CCDC85C: variants seen among roughly 807,000 people sequenced by gnomAD.
The protein encoded by CCDC85C is coiled-coil domain containing 85C, also known as coiled-coil domain-containing protein 85C.
Under a neutral mutation model 38.3 loss-of-function variants are expected in CCDC85C, and 18 were observed. The observed-to-expected ratio is 0.47, with a 90% CI of 0.33 to 0.70. The LOEUF (loss-of-function observed/expected upper bound fraction) is 0.70. CCDC85C is among the 30% of genes least tolerant of loss of function. The pLI is 0.03. For synonymous variants in CCDC85C, 264 were observed against 293.8 expected, an observed-to-expected ratio of 0.90 and a Z score of 1.04; for missense variants, 566 against 621.2, an observed-to-expected ratio of 0.91 and a Z score of 0.94.
chr14:99,570,600 T>G lies in CCDC85C; in HGVS notation c.793+32567A>C, dbSNP rs570689877. 1.3e-4 allele frequency among the ~76,000 whole-genome samples: 20 copies of G among 152,014 alleles called. No individual in the cohort carries two copies. In the South Asian group the frequency reaches 4.2e-3, roughly 32 times the overall value. On this transcript the variant is annotated intron_variant, in intron 1 of 5. Transcript: ENST00000380243. ...TCATGGGAGGGTGTGGGGCCAGGGATATAACCTTCCAGGCCAGGCAGGAGA... is the reference window on the plus strand; with the variant it reads ...TCATGGGAGGGTGTGGGGCCAGGGAGATAACCTTCCAGGCCAGGCAGGAGA...
intron 1 of CCDC85C, among the ~76,000 whole-genome samples, chr14:99,593,134 G>GT (rs1277473919): frequency 6.6e-6 from 1 of 152,254 alleles, no homozygotes; most frequent in Non-Finnish European, 1.5e-5. Flanking sequence ...GCCGTGCGCG[G>GT]TGACAGGCGG....
chr14:99,519,896 G>T (rs1156398599), intron 3 of CCDC85C, among the ~76,000 whole-genome samples: 1 of 152,196 alleles, frequency 6.6e-6, no homozygotes, highest in Non-Finnish European at 1.5e-5. Context: ...GTTGCTGGTG[G>T]CTGGGAGGAA....
At chr14:99,602,634 T>G (rs1009524714) in intron 1 of CCDC85C, among the ~76,000 whole-genome samples, 2 of 152,118 alleles carry the variant, frequency 1.3e-5, no homozygotes, top group East Asian at 3.9e-4. Flanking sequence ...CCCAGGCCTC[T>G]CCCCAACTGC....
chr14:99,578,719 G>A (rs990792920), intron 1 of CCDC85C, among the ~76,000 whole-genome samples: 2 of 152,242 alleles, frequency 1.3e-5, no homozygotes, highest in Non-Finnish European at 2.9e-5. Context: ...GCGTGATGGT[G>A]AGTTCATCAC....
chr14:99,502,598 G>A lies in CCDC85C; in HGVS notation c.*12648C>T. The stretch of plus-strand genomic sequence containing the variant: ...GTGTTGCACACAACGAAGATGGGGT[G>A]AGTTGTAAATGTGATTCATGCTTAG... On this transcript the variant is annotated 3_prime_UTR_variant, in exon 6 of 6. Coordinates refer to ENST00000380243, the MANE Select transcript of CCDC85C (RefSeq NM_001144995.2). The A allele has an allele frequency of 8.3e-7, 1 of 1,208,754 alleles. No individual in the cohort carries two copies. Among genetic ancestry groups the A allele is most frequent in the Non-Finnish European group, 1.2e-6 (1 of 859,836 alleles). The allele number at this position is 1,208,754 out of a possible 1,614,324, so 74.9% of individuals were successfully genotyped here.
rs372216197 is a variant in CCDC85C at position 99,502,779 on chromosome 14, C to A, written c.*12467G>T. The A allele has an allele frequency of 6.2e-7, 1 of 1,613,194 alleles. No individual in the cohort carries two copies. The highest frequency in any genetic ancestry group is 1.3e-5 in the African/African-American group (1 of 74,806). ...GGAAAACAACAGATGCCTCATCACA[C>A]CCCCCATCAGCTGCAACAGCCCCCA... On this transcript the variant is annotated 3_prime_UTR_variant, in exon 6 of 6. Coordinates refer to ENST00000380243, the MANE Select transcript of CCDC85C (RefSeq NM_001144995.2).
intron 5 of CCDC85C, among the ~76,000 whole-genome samples, 193 bp downstream of exon 5, chr14:99,515,995 A>AG (rs1300709555): frequency 6.6e-6 from 1 of 152,092 alleles, no homozygotes. Context: ...TGGGAAGGGC[A>AG]GGGGGCAGCG....
At position 99,603,362 on chromosome 14, in the gene CCDC85C, G is replaced by T; in HGVS notation, c.598C>A (p.Arg200Ser). 1 of 1,271,078 alleles carries T rather than the reference G, an allele frequency of 7.9e-7. No individual in the cohort carries two copies. The highest frequency in any genetic ancestry group is 9.9e-7 in the Non-Finnish European group (1 of 1,010,908). The allele number at this position is 1,271,078 out of a possible 1,614,324, so 78.7% of individuals were successfully genotyped here. Residue 200 changes from arginine (R) to serine (S), a missense_variant, in exon 1 of 6, where the codon CGC becomes AGC. Arg to Ser is a moderately radical substitution (Grantham distance 110). Transcript: ENST00000380243. This position sits in a 1 kb window ranked among gnomAD's most constrained non-coding sequence, Gnocchi z 7.5. ...LSGGAPGAGARDVGDGSSTSS... is the reference protein window; with the variant it reads ...LSGGAPGAGASDVGDGSSTSS... ...GTACTGCTGCCGTCGCCCACGTCGC[G>T]GGCCCCCGCGCCGGGCGCGCCACCC...
At chr14:99,559,713 T>C (rs1462405309) in intron 1 of CCDC85C, among the ~76,000 whole-genome samples, 2 of 152,144 alleles carry the variant, frequency 1.3e-5, no homozygotes, top group Admixed American at 6.5e-5. Context: ...GTTAAGGAAA[T>C]TCTAGTTAAC....
Position 99,514,330 on chromosome 14 carries a change from C to T in CCDC85C, c.*916G>A, listed in dbSNP as rs1217920048. 1 of 152,454 alleles carries T rather than the reference C, an allele frequency of 6.6e-6. No homozygotes were observed. The highest frequency in any genetic ancestry group is 6.5e-5 in the Admixed American group (1 of 15,288). The allele number at this position is 152,454 out of a possible 1,614,324, so 9.4% of individuals were successfully genotyped here. ...CATCTGCAGCCTACACAGCTCTGTC[C>T]ACAGGGACCCAAGATGCAGCCAGGC... On this transcript the variant is annotated 3_prime_UTR_variant, in exon 6 of 6. Transcript: ENST00000380243.
rs1019889154 is a variant in CCDC85C, at chr14:99,576,811, A to G, written c.793+26356T>C. 6.6e-6 allele frequency among the ~76,000 whole-genome samples: 1 copy of G among 152,160 alleles called. No individual in the cohort carries two copies. The highest frequency in any genetic ancestry group is 2.4e-5 in the African/African-American group (1 of 41,442). On this transcript the variant is annotated intron_variant, in intron 1 of 5. Transcript: ENST00000380243. The surrounding 1 kb of genome is among the most constrained non-coding windows in gnomAD (Gnocchi z 4.8). ...GGTGGAACGGACTATCAGTCACTCTACAGGAAAGCAGAGGCTCAGAGAGGG... is the reference window on the plus strand; with the variant it reads ...GGTGGAACGGACTATCAGTCACTCTGCAGGAAAGCAGAGGCTCAGAGAGGG...
Position 99,520,071 on chromosome 14 carries a change from G to A in CCDC85C, c.975+2062C>T, listed in dbSNP as rs1874877555. Among the ~76,000 whole-genome samples, 1 of 152,202 alleles carries A rather than the reference G, an allele frequency of 6.6e-6. No individual in the cohort carries two copies. The highest frequency in any genetic ancestry group is 2.1e-4 in the South Asian group (1 of 4,838). ...CACCTGCCCTGACAGCCAGTGGATGGAGGGTATGGGCAGCAGTGGGCAGGG... is the reference window on the plus strand; with the variant it reads ...CACCTGCCCTGACAGCCAGTGGATGAAGGGTATGGGCAGCAGTGGGCAGGG... On this transcript the variant is annotated intron_variant, in intron 3 of 5. Transcript: ENST00000380243. The surrounding 1 kb of genome is among the most constrained non-coding windows in gnomAD (Gnocchi z 4.1).
rs531283524 is a variant in CCDC85C at position 99,526,518 on chromosome 14, C to T, written c.868-4278G>A. On this transcript the variant is annotated intron_variant, in intron 2 of 5. Coordinates refer to ENST00000380243, the MANE Select transcript of CCDC85C (RefSeq NM_001144995.2). ...GCCATCATCCCAGGGGCTACGGAGG[C>T]GAGAGGTGAGACCCAGGGAGCAAGG... Among the ~76,000 whole-genome samples, 11 of 152,306 alleles carry T rather than the reference C, an allele frequency of 7.2e-5. No individual in the cohort carries two copies. The East Asian group carries it at 1.5e-3, about 21-fold the overall frequency.
At chr14:99,602,196 G>A (rs1359555181) in intron 1 of CCDC85C, among the ~76,000 whole-genome samples, 1 of 152,240 alleles carries the variant, frequency 6.6e-6, no homozygotes, top group Non-Finnish European at 1.5e-5. Context: ...CACCAGCGAG[G>A]AGGAGAAAGC....
chr14:99,537,585 C>T (rs562397394), intron 1 of CCDC85C, among the ~76,000 whole-genome samples: 1 of 152,100 alleles, frequency 6.6e-6, no homozygotes, highest in African/African-American at 2.4e-5. Flanking sequence ...GAGCGCAAAC[C>T]AGCCTCCCCT....
chr14:99,594,197 TGGGAGAGAGACAGGACAGCAAGCAGA>T (rs1215945815), intron 1 of CCDC85C, among the ~76,000 whole-genome samples: 1 of 152,138 alleles, frequency 6.6e-6, no homozygotes, highest in Non-Finnish European at 1.5e-5. Flanking sequence ...CATTCTGGAC[TGGGAGAGAGACAGGACAGCAAGCAGA>T]GGAACCTCGA....
Position 99,585,103 on chromosome 14 carries a change from C to A in CCDC85C, c.793+18064G>T, listed in dbSNP as rs543803831. Among the ~76,000 whole-genome samples, 202 of 152,218 alleles carry A rather than the reference C, an allele frequency of 1.3e-3. 1 individual carries two copies. The highest frequency in any genetic ancestry group is 4.6e-3 in the African/African-American group (189 of 41,532). The stretch of plus-strand genomic sequence containing the variant: ...GAGTGAGACCCCGTCCCCTCCACCC[C>A]CAAAAAGAAGAACTGCCTCCATACC... On this transcript the variant is annotated intron_variant, in intron 1 of 5. Transcript: ENST00000380243.
intron 1 of CCDC85C, among the ~76,000 whole-genome samples, chr14:99,543,798 C>T (rs978783501): frequency 1.3e-5 from 2 of 152,096 alleles, no homozygotes; most frequent in East Asian, 1.9e-4. Context: ...GAATGTGAAA[C>T]GGGCATTATT....
At position 99,528,904 on chromosome 14, in the gene CCDC85C, C is replaced by T. The variant is rs1021584659; in HGVS notation, c.868-6664G>A. Among the ~76,000 whole-genome samples, 5 of 152,234 alleles carry T rather than the reference C, an allele frequency of 3.3e-5. No homozygotes were observed. In the East Asian group the frequency reaches 9.7e-4, roughly 29 times the overall value. ...TGCATGCTGGGCTTATTACCTAGGC[C>T]ATGGGCTGATCTGTGCAGCAAACTA... On this transcript the variant is annotated intron_variant, in intron 2 of 5. Transcript: ENST00000380243.
Sources: allele counts gnomAD v4.1 joint callset (sites outside exome capture counted in the v4.1 genomes callset), GRCh38; gene constraint gnomAD v4.1.1; non-coding constraint Gnocchi (gnomAD v3.1); transcripts MANE v1.5; gene names NCBI Gene and HGNC (gene_info 2026-07-23, HGNC 2026-07-21).